Variants in SPSB4 observed in about 807,000 individuals in gnomAD.
SPSB4 encodes the protein SPRY domain-containing SOCS box protein 4.
A neutral mutation model predicts 20.9 loss-of-function variants in SPSB4; 21 were observed. The observed-to-expected ratio is 1.01, with a 90% CI of 0.71 to 1.45. The LOEUF (loss-of-function observed/expected upper bound fraction) is 1.45. SPSB4 is among the 40% of genes most tolerant of loss of function. SPSB4 has a pLI of 0.00. For synonymous variants in SPSB4, 207 were observed against 183.8 expected, an observed-to-expected ratio of 1.13 and a Z score of -1.02; for missense variants, 399 against 399.2, an observed-to-expected ratio of 1.00 and a Z score of 0.00.
At chr3:141,130,899 T>G (rs1433187969) in intron 2 of SPSB4, among the ~76,000 whole-genome samples, 2 of 152,214 alleles carry the variant, frequency 1.3e-5, no homozygotes, top group Non-Finnish European at 2.9e-5. Flanking sequence ...ACTTTTGAAA[T>G]GATTACCTTG....
At chr3:141,082,711 C>G (rs911003130) in intron 2 of SPSB4, among the ~76,000 whole-genome samples, 1 of 151,902 alleles carries the variant, frequency 6.6e-6, no homozygotes, top group Non-Finnish European at 1.5e-5. Context: ...TAATAATATC[C>G]CCATTTCACA....
chr3:141,090,260 A>C (rs1938424899), intron 2 of SPSB4, among the ~76,000 whole-genome samples: 1 of 152,216 alleles, frequency 6.6e-6, no homozygotes, highest in Non-Finnish European at 1.5e-5. Flanking sequence ...GCACTATTCC[A>C]GGCACTGAGG....
chr3:141,068,638 G>A (rs1187404376), intron 2 of SPSB4, among the ~76,000 whole-genome samples: 2 of 152,144 alleles, frequency 1.3e-5, no homozygotes, highest in East Asian at 1.9e-4. Flanking sequence ...ATAGTATCAG[G>A]TCCCCTTTTT....
intron 2 of SPSB4, chr3:141,080,176 AGACAAGTTAATT>A (rs1938201951): frequency 6.6e-6 from 1 of 152,232 alleles, no homozygotes. Flanking sequence ...TGCATTTTAC[AGACAAGTTAATT>A]GAGGCCCAGA....
At chr3:141,057,003 G>A (rs996966768) in intron 1 of SPSB4, among the ~76,000 whole-genome samples, 2 of 152,260 alleles carry the variant, frequency 1.3e-5, no homozygotes, top group African/African-American at 4.8e-5. Flanking sequence ...TCAGTCACGC[G>A]TGGGAGGATT....
Position 141,109,510 on chromosome 3 carries a change from G to A in SPSB4, c.695-37632G>A, listed in dbSNP as rs1262414454. ...CAGCCAGATCCACTTCCTTGCCAGC[G>A]GTCCTCATTTGCTAGCCCATCAGCT... On this transcript the variant is annotated intron_variant, in intron 2 of 2. Coordinates refer to ENST00000310546, the MANE Select transcript of SPSB4 (RefSeq NM_080862.3). 3.9e-5 allele frequency among the ~76,000 whole-genome samples: 6 copies of A among 152,060 alleles called. No individual in the cohort carries two copies. In the East Asian group the frequency reaches 7.8e-4, roughly 20 times the overall value.
chr3:141,070,309 T>TTTG (rs1442962133), intron 2 of SPSB4, among the ~76,000 whole-genome samples: 1 of 152,020 alleles, frequency 6.6e-6, no homozygotes, highest in Admixed American at 6.6e-5. Context: ...ACAATTTCTT[T>TTTG]TTGTTGTTGT....
At position 141,117,496 on chromosome 3, in the gene SPSB4, C is replaced by G. The variant is rs144534038; in HGVS notation, c.695-29646C>G. 3.3e-5 allele frequency among the ~76,000 whole-genome samples: 5 copies of G among 152,226 alleles called. No individual in the cohort carries two copies. In the East Asian group the frequency reaches 9.6e-4, roughly 29 times the overall value. On this transcript the variant is annotated intron_variant, in intron 2 of 2. Transcript: ENST00000310546. Reference sequence around the variant, plus strand: ...AGTAACTTTCTCATTCAATTTTGTTCTCTTTCTCTGTTTTTATTTTTATTT... The same window carrying G: ...AGTAACTTTCTCATTCAATTTTGTTGTCTTTCTCTGTTTTTATTTTTATTT...
At chr3:141,059,066 T>C (rs1364514775) in intron 1 of SPSB4, among the ~76,000 whole-genome samples, 2 of 152,124 alleles carry the variant, frequency 1.3e-5, no homozygotes, top group Non-Finnish European at 2.9e-5. Context: ...GGTGAAAGTT[T>C]CCTGCCATCA....
rs567288121 is a variant in SPSB4 at position 141,079,009 on chromosome 3, C to A, written c.694+12211C>A. 3.3e-5 allele frequency among the ~76,000 whole-genome samples: 5 copies of A among 152,252 alleles called. No homozygotes were observed. The East Asian group carries it at 9.6e-4, about 29-fold the overall frequency. ...GGGCACGGTGGCTCATGCCTGTAAT[C>A]CCAGCACTTTGGGAGGCCGAGGTGG... is the stretch of plus-strand genomic sequence containing the variant. On this transcript the variant is annotated intron_variant, in intron 2 of 2. Transcript: ENST00000310546.
chr3:141,087,769 G>A (rs564557924), intron 2 of SPSB4, among the ~76,000 whole-genome samples: 20 of 152,342 alleles, frequency 1.3e-4, no homozygotes, highest in Admixed American at 2.6e-4. Context: ...GGGCAGGGCA[G>A]AGGAGGAATG....
chr3:141,079,650 G>A (rs1251590506), intron 2 of SPSB4, among the ~76,000 whole-genome samples: 1 of 152,166 alleles, frequency 6.6e-6, no homozygotes, highest in East Asian at 1.9e-4. Flanking sequence ...GGGCAAGGCA[G>A]GTCCAGTTTC....
chr3:141,133,868 C>G (rs1426793887), intron 2 of SPSB4, among the ~76,000 whole-genome samples: 1 of 151,988 alleles, frequency 6.6e-6, no homozygotes, highest in Non-Finnish European at 1.5e-5. Flanking sequence ...TTGTAGATTG[C>G]TTTTGGCAGT....
At chr3:141,137,574 CT>C in intron 2 of SPSB4, among the ~76,000 whole-genome samples, 1 of 152,304 alleles carries the variant, frequency 6.6e-6, no homozygotes, top group Non-Finnish European at 1.5e-5. Context: ...AAGGCCTTTT[CT>C]GCATCTGTTG....
At chr3:141,096,379 T>G (rs1938548373) in intron 2 of SPSB4, among the ~76,000 whole-genome samples, 1 of 152,234 alleles carries the variant, frequency 6.6e-6, no homozygotes, top group African/African-American at 2.4e-5. Context: ...GCAGCCTCTG[T>G]TAGTCTTAGC....
intron 2 of SPSB4, among the ~76,000 whole-genome samples, chr3:141,138,512 C>A (rs1191944077): frequency 5.9e-5 from 9 of 152,196 alleles, no homozygotes; most frequent in Middle Eastern, 3.4e-3. Flanking sequence ...TTGAATGTGT[C>A]CCAGAGATTC....
At chr3:141,094,011 C>G (rs1304148668) in intron 2 of SPSB4, among the ~76,000 whole-genome samples, 1 of 152,218 alleles carries the variant, frequency 6.6e-6, no homozygotes, top group African/African-American at 2.4e-5. Flanking sequence ...AAAAGCCAGG[C>G]AGGTCCCGGC....
At chr3:141,080,788 C>T (rs1206750747) in intron 2 of SPSB4, among the ~76,000 whole-genome samples, 1 of 152,214 alleles carries the variant, frequency 6.6e-6, no homozygotes, top group Non-Finnish European at 1.5e-5. Context: ...GGTGTTCTGC[C>T]ACAGTGGACT....
At chr3:141,126,998 G>A (rs975754611) in intron 2 of SPSB4, among the ~76,000 whole-genome samples, 8 of 152,284 alleles carry the variant, frequency 5.3e-5, no homozygotes, top group Admixed American at 2.0e-4. Flanking sequence ...TTCACTCCCC[G>A]CCCAACCCAA....
Sources: gnomAD v4.1 joint callset for allele counts (sites outside exome capture counted in the v4.1 genomes callset) on GRCh38, gnomAD v4.1.1 for gene constraint, MANE v1.5 for transcripts, NCBI Gene and HGNC (gene_info 2026-07-23, HGNC 2026-07-21) for gene names.